Variants in CELA2A observed in about 807,000 individuals in gnomAD.
The protein encoded by CELA2A is chymotrypsin-like elastase family member 2A.
CELA2A carries 31 observed loss-of-function variants against 35.3 expected under a neutral mutation model. The observed-to-expected ratio is 0.88, with a 90% CI of 0.66 to 1.19. The LOEUF is 1.19. Ranked by LOEUF, CELA2A falls within the 50% of genes most tolerant of loss-of-function variation. CELA2A has a pLI of 0.00. For synonymous variants in CELA2A, 150 were observed against 149.8 expected (o/e 1.00, Z -0.01); for missense variants, 330 against 352.9 (o/e 0.94, Z 0.52).
chr1:15,465,309 G>A (rs1033314494), intron 5 of CELA2A, among the ~76,000 whole-genome samples: 7 of 151,906 alleles, frequency 4.6e-5, no homozygotes, highest in Non-Finnish European at 7.4e-5. Flanking sequence ...GCGCCCGACC[G>A]ACACTTAACT....
At chr1:15,458,416 C>T (rs2103300231) in intron 2 of CELA2A, among the ~76,000 whole-genome samples, 1 of 152,274 alleles carries the variant, frequency 6.6e-6, no homozygotes, top group South Asian at 2.1e-4. Flanking sequence ...TCATTGGTTA[C>T]ATGTTTAATC....
chr1:15,468,846 C>T (rs1386415981), intron 7 of CELA2A, among the ~76,000 whole-genome samples: 2 of 151,868 alleles, frequency 1.3e-5, no homozygotes, highest in African/African-American at 2.4e-5. Flanking sequence ...GCCATGGATA[C>T]ACGCAGCAGT....
intron 2 of CELA2A, among the ~76,000 whole-genome samples, chr1:15,459,947 CAA>C (rs80212453): frequency 2.2e-4 from 21 of 95,340 alleles, no homozygotes; most frequent in Admixed American, 5.7e-4. Context: ...ATAGCCATCT[CAA>C]AAAAAAAAAA....
chr1:15,465,795 A>G, intron 5 of CELA2A: 1 of 604,652 alleles, frequency 1.7e-6, no homozygotes, highest in Non-Finnish European at 2.9e-6. Flanking sequence ...TCAGAATCCC[A>G]GGGGAGGGAG....
rs1422506421 is a variant in CELA2A, at chr1:15,457,191, G to GTACT, written c.129+19_129+22dup. ...CCCTGGCAGGTGAGTTGACCACACTGTACTTCTCCCCGTCCCTGCCCCACT... is the reference window on the plus strand; with the variant it reads ...CCCTGGCAGGTGAGTTGACCACACTGTACTTACTTCTCCCCGTCCCTGCCCCACT... On this transcript the variant is annotated intron_variant, in intron 2 of 7. Transcript: ENST00000359621. 1 of 1,612,026 alleles carries GTACT rather than the reference G, an allele frequency of 6.2e-7. No individual in the cohort carries two copies. The highest frequency in any genetic ancestry group is 1.3e-5 in the African/African-American group (1 of 74,884).
rs879917781 is a variant in CELA2A, at chr1:15,459,352, A to C, written c.129+2178A>C. 3.0e-3 allele frequency among the ~76,000 whole-genome samples: 438 copies of C among 147,678 alleles called. 3 individuals are homozygous for C. The highest frequency in any genetic ancestry group is 5.3e-3 in the Non-Finnish European group (356 of 67,048). On this transcript the variant is annotated intron_variant, in intron 2 of 7. Transcript: ENST00000359621. ...TAAGTTTCTTTTTTTTTTTTTAGAG[A>C]TGGGTCTCACTATGTTGCCCAGGCT...
Position 15,461,545 on chromosome 1 carries a change from CTT to C in CELA2A, c.130-14_130-13del. 6.2e-7 allele frequency: 1 copy of C among 1,612,034 alleles called. No homozygotes were observed. Among genetic ancestry groups the C allele is most frequent in the Non-Finnish European group, 8.5e-7 (1 of 1,179,832 alleles). Reference sequence around the variant, plus strand: ...TCTTTCAAACCTAGCCACAGAGCTCCTTTGCTTCTCCCCAGGTCTCCCTGCAG... The same window carrying C: ...TCTTTCAAACCTAGCCACAGAGCTCCTGCTTCTCCCCAGGTCTCCCTGCAG... On this transcript the variant is annotated splice_polypyrimidine_tract_variant and intron_variant, in intron 2 of 7. Transcript: ENST00000359621.
At chr1:15,464,680 T>C (rs1708491357) in intron 5 of CELA2A, among the ~76,000 whole-genome samples, 1 of 152,162 alleles carries the variant, frequency 6.6e-6, no homozygotes, top group Admixed American at 6.5e-5. Context: ...TGAGCGGTGG[T>C]GGAAGAGGCA....
chr1:15,467,825 A>C (rs558359109), intron 7 of CELA2A, among the ~76,000 whole-genome samples: 39 of 152,272 alleles, frequency 2.6e-4, no homozygotes, highest in African/African-American at 9.1e-4. Flanking sequence ...GCCGTGGCTC[A>C]TGCCTGTAAT....
At chr1:15,465,080 C>T (rs1460802625) in intron 5 of CELA2A, among the ~76,000 whole-genome samples, 2 of 134,524 alleles carry the variant, frequency 1.5e-5, no homozygotes, top group African/African-American at 5.6e-5. Context: ...GGTGCAATCT[C>T]GGCTCACTGC....
chr1:15,467,651 G>A, intron 7 of CELA2A, 113 bp downstream of exon 7: 1 of 1,366,652 alleles, frequency 7.3e-7, no homozygotes, highest in Non-Finnish European at 1.0e-6. Flanking sequence ...AGAGCTAGAT[G>A]GGAACCCCTT....
intron 7 of CELA2A, among the ~76,000 whole-genome samples, chr1:15,469,222 G>C (rs1708560250): frequency 6.6e-6 from 1 of 152,090 alleles, no homozygotes; most frequent in African/African-American, 2.4e-5. Context: ...GCCCATGAGA[G>C]GGCAGAGGAG....
In CELA2A at chr1:15,462,836, T is replaced by A. The variant is rs759151072; in HGVS notation, c.331T>A (p.Trp111Arg). Residue 111 changes from tryptophan (W) to arginine (R), a missense_variant, in exon 4 of 8, where the codon TGG becomes AGG. Coordinates refer to ENST00000359621, the MANE Select transcript of CELA2A (RefSeq NM_033440.3). ...CTCTAAGATTGTGGTGCACAAGGAC[T>A]GGAACTCCAACCAAATCTCCAAAGG... Reference protein sequence around the residue: ...SVSKIVVHKDWNSNQISKGND... With the variant: ...SVSKIVVHKDRNSNQISKGND... 6.2e-7 allele frequency: 1 copy of A among 1,614,112 alleles called. No individual in the cohort carries two copies. The highest frequency in any genetic ancestry group is 8.5e-7 in the Non-Finnish European group (1 of 1,180,002).
At position 15,461,437 on chromosome 1, in the gene CELA2A, G is replaced by C. The variant is rs1004322827; in HGVS notation, c.130-124G>C. 3 of 936,154 alleles carry C rather than the reference G, an allele frequency of 3.2e-6. No individual in the cohort carries two copies. In the African/African-American group the frequency reaches 4.9e-5, roughly 15 times the overall value. 58.0% of individuals were successfully genotyped at this position (936,154 alleles called of 1,614,324 possible). A position where few individuals can be genotyped will look rare whatever the true frequency, so the allele number is the denominator to read the frequency against. ...GAGGTTTTGGGTGCTGCCTTAAGTT[G>C]TGCACATGAGGCGACTGCCTCACTC... is the stretch of plus-strand genomic sequence containing the variant. On this transcript the variant is annotated intron_variant, in intron 2 of 7. Coordinates refer to ENST00000359621, the MANE Select transcript of CELA2A (RefSeq NM_033440.3).
At chr1:15,458,278 C>T (rs961900693) in intron 2 of CELA2A, among the ~76,000 whole-genome samples, 3 of 151,978 alleles carry the variant, frequency 2.0e-5, no homozygotes, top group African/African-American at 7.2e-5. Context: ...ATGAGCCCAT[C>T]CAATCTTTCC....
intron 7 of CELA2A, 82 bp downstream of exon 7, chr1:15,467,620 A>C: frequency 6.6e-7 from 1 of 1,514,838 alleles, no homozygotes; most frequent in Non-Finnish European, 9.0e-7. Context: ...CTGGTGACTG[A>C]GAATCCCCTC....
chr1:15,467,815 G>A (rs1305610844), intron 7 of CELA2A, among the ~76,000 whole-genome samples: 2 of 152,152 alleles, frequency 1.3e-5, no homozygotes, highest in Non-Finnish European at 2.9e-5. Context: ...TCCGCTGGGC[G>A]CCGTGGCTCA....
At chr1:15,460,267 T>C (rs1009088655) in intron 2 of CELA2A, among the ~76,000 whole-genome samples, 1 of 151,898 alleles carries the variant, frequency 6.6e-6, no homozygotes, top group African/African-American at 2.4e-5. Context: ...TTATGTGGGC[T>C]AAATTTCACA....
chr1:15,456,830 C>T (rs1407420121), intron 1 of CELA2A, 37 bp downstream of exon 1: 3 of 1,613,778 alleles, frequency 1.9e-6, no homozygotes, highest in African/African-American at 1.3e-5. Flanking sequence ...GTTTCCCATG[C>T]CCTGGTGGGG....
Sources: gnomAD v4.1 joint callset for allele counts (sites outside exome capture counted in the v4.1 genomes callset) on GRCh38, gnomAD v4.1.1 for gene constraint, MANE v1.5 for transcripts, NCBI Gene and HGNC (gene_info 2026-07-23, HGNC 2026-07-21) for gene names.